The following CSF2RB variants were observed in gnomAD, a reference collection of about 807,000 sequenced individuals.
The protein encoded by CSF2RB is cytokine receptor common subunit beta.
In CSF2RB, 22 loss-of-function variants were observed where a neutral mutation model predicts 67.2. The ratio of observed to expected loss-of-function variants is 0.33; its 90% confidence interval spans 0.23 to 0.47. The LOEUF is 0.47. CSF2RB is among the 20% of genes least tolerant of loss of function. The probability of loss-of-function intolerance (pLI) is 1.00; values close to 1 mark genes in which losing one functional copy is unlikely to be tolerated. For missense variants in CSF2RB, 1,113 were observed against 1,174.5 expected (o/e 0.95, Z 0.76); for synonymous variants, 507 against 482.9 (o/e 1.05, Z -0.65).
chr22:36,914,622 C>T (rs1393307159), intron 1 of CSF2RB, among the ~76,000 whole-genome samples: 2 of 152,080 alleles, frequency 1.3e-5, no homozygotes, highest in Non-Finnish European at 2.9e-5. Context: ...TCACTGGGAC[C>T]TTGTCAGACA....
rs147184065 is a variant in CSF2RB at position 36,938,018 on chromosome 22, C to T, written c.2210C>T (p.Pro737Leu). The T allele has an allele frequency of 2.8e-5, 45 of 1,614,020 alleles. No individual in the cohort carries two copies. The highest frequency in any genetic ancestry group is 8.3e-5 in the Admixed American group (5 of 60,010). The stretch of plus-strand genomic sequence containing the variant: ...TCCCTAGTTCCCTCTCTGGGCCTCC[C>T]CTCAGACCAGACCCCCAGCTTATGT... The part of the protein sequence containing the change: ...SVSLVPSLGL[P>L]SDQTPSLCPG... Residue 737 changes from proline (P) to leucine (L), a missense_variant, in exon 14 of 14, where the codon CCC becomes CTC. Around this residue, in one of 2 missense-constraint regions of CSF2RB, gnomAD observed 554 missense variants for 517.9 expected, o/e 1.07. Transcript: ENST00000403662.
intron 1 of CSF2RB, among the ~76,000 whole-genome samples, chr22:36,920,640 G>A (rs1940837616): frequency 6.6e-6 from 1 of 152,224 alleles, no homozygotes; most frequent in South Asian, 2.1e-4. Context: ...TCCTTTTATG[G>A]TTCAGTCAGT....
In CSF2RB at chr22:36,933,859, G is replaced by A. The variant is rs760375262; in HGVS notation, c.1180G>A (p.Ala394Thr). ...CAGCAAGACCGAGACCCTCCAGAAC[G>A]CCCACAGCATGGCCCTGCCAGCCCT... is the stretch of plus-strand genomic sequence containing the variant. ...KDSKTETLQN[A>T]HSMALPALEP... The change falls in exon 10 of 14, where the codon GCC becomes ACC. Residue 394 changes from alanine to threonine, a missense_variant. Physicochemically the swap from Ala to Thr is moderately conservative, Grantham distance 58 (BLOSUM62 0). Around this residue, in one of 2 missense-constraint regions of CSF2RB, gnomAD observed 559 missense variants for 656.5 expected, o/e 0.85. Transcript: ENST00000403662. 29 of 1,609,720 alleles carry A rather than the reference G, an allele frequency of 1.8e-5. No homozygotes were observed. Among genetic ancestry groups the A allele is most frequent in the Middle Eastern group, 3.3e-4 (2 of 6,076 alleles).
intron 8 of CSF2RB, among the ~76,000 whole-genome samples, chr22:36,932,458 C>T (rs1446514819): frequency 6.8e-6 from 1 of 147,384 alleles, no homozygotes; most frequent in East Asian, 2.0e-4. Flanking sequence ...AAAAAAATAG[C>T]CAGTTGCCTA....
At chr22:36,934,751 G>A (rs1392197905) in intron 10 of CSF2RB, among the ~76,000 whole-genome samples, 1 of 152,206 alleles carries the variant, frequency 6.6e-6, no homozygotes, top group Non-Finnish European at 1.5e-5. Flanking sequence ...AAGGATACAG[G>A]AGATATTGGG....
At chr22:36,921,971 C>T (rs1454207720) in intron 1 of CSF2RB, 65 bp from the exon 2 acceptor site, 5 of 591,918 alleles carry the variant, frequency 8.4e-6, no homozygotes, top group East Asian at 2.8e-5. Context: ...CCCCACAACA[C>T]GGGCGGTGTC....
intron 1 of CSF2RB, among the ~76,000 whole-genome samples, chr22:36,916,723 G>A (rs1601574056): frequency 2.0e-5 from 3 of 152,138 alleles, no homozygotes; most frequent in East Asian, 3.9e-4. Flanking sequence ...GCCGGGTTTG[G>A]TGGTGTGCAC....
Position 36,932,788 on chromosome 22 carries a change from A to G in CSF2RB, c.1036A>G (p.Asn346Asp). ...VNIQMAPPSL[N>D]VTKDGDSYSL... ...AGTCCAGATGGCCCCTCCATCCCTC[A>G]ACGTGACCAAGGATGGAGACAGCTA... Residue 346 changes from asparagine (N) to aspartate (D), a missense_variant, in exon 9 of 14, where the codon AAC (asparagine) becomes GAC (aspartate). Transcript: ENST00000403662. 2 of 1,613,956 alleles carry G rather than the reference A, an allele frequency of 1.2e-6. No individual in the cohort carries two copies. Among genetic ancestry groups the G allele is most frequent in the East Asian group, 2.2e-5 (1 of 44,882 alleles).
At chr22:36,926,628 T>G (rs1266506487) in intron 4 of CSF2RB, among the ~76,000 whole-genome samples, 1 of 152,188 alleles carries the variant, frequency 6.6e-6, no homozygotes, top group East Asian at 1.9e-4. Flanking sequence ...GGGGGCTTCC[T>G]GCATGGTAGA....
At position 36,936,495 on chromosome 22, in the gene CSF2RB, C is replaced by G. The variant is rs1430849433; in HGVS notation, c.1465-54C>G. 9 of 1,504,582 alleles carry G rather than the reference C, an allele frequency of 6.0e-6. No homozygotes were observed. In the East Asian group the frequency reaches 2.0e-4, roughly 34 times the overall value. 93.2% of individuals were successfully genotyped at this position (1,504,582 alleles called of 1,614,324 possible). A position where few individuals can be genotyped will look rare whatever the true frequency, so the allele number is the denominator to read the frequency against. ...TGCACCCCCGTCACCCTCTGCCTTG[C>G]CCCCACCTCGGACCTCCTGATGCTC... On this transcript the variant is annotated intron_variant, in intron 12 of 13. Transcript: ENST00000403662.
chr22:36,927,548 C>A (rs6000492), intron 4 of CSF2RB, among the ~76,000 whole-genome samples: 6,566 of 152,184 alleles, frequency 0.043, 502 homozygotes, highest in African/African-American at 0.15. Context: ...AGCTGGGGAA[C>A]CTGCTCACCA....
chr22:36,917,732 G>A (rs1238534323), intron 1 of CSF2RB, among the ~76,000 whole-genome samples: 1 of 152,112 alleles, frequency 6.6e-6, no homozygotes, highest in Non-Finnish European at 1.5e-5. Flanking sequence ...AGACCAACCT[G>A]GCCAACATGG....
intron 8 of CSF2RB, 111 bp from the exon 9 acceptor site, chr22:36,932,654 A>G: frequency 7.7e-7 from 1 of 1,294,588 alleles, no homozygotes. Flanking sequence ...CATGGGCAGA[A>G]CCTGGGGTCT....
At position 36,939,274 on chromosome 22, in the gene CSF2RB, G is replaced by A. The variant is rs1941339839; in HGVS notation, c.*772G>A. On this transcript the variant is annotated 3_prime_UTR_variant, in exon 14 of 14. Coordinates refer to ENST00000403662, the MANE Select transcript of CSF2RB (RefSeq NM_000395.3). The stretch of plus-strand genomic sequence containing the variant: ...AGAGAAGTTAACGGCCCAAGTGGTG[G>A]GCAGGCTGGCGGGACCTGGGGAACA... 1 of 702,108 alleles carries A rather than the reference G, an allele frequency of 1.4e-6. No homozygotes were observed. The highest frequency in any genetic ancestry group is 2.6e-6 in the Non-Finnish European group (1 of 384,816). 43.5% of individuals were successfully genotyped at this position (702,108 alleles called of 1,614,324 possible).
In CSF2RB at chr22:36,938,164, C is replaced by T. The variant is rs373244465; in HGVS notation, c.2356C>T (p.Pro786Ser). 2 of 1,614,128 alleles carry T rather than the reference C, an allele frequency of 1.2e-6. No individual in the cohort carries two copies. The highest frequency in any genetic ancestry group is 1.7e-6 in the Non-Finnish European group (2 of 1,179,998). Residue 786 changes from proline (P) to serine (S), a missense_variant, in exon 14 of 14, where the codon CCC (proline) becomes TCC (serine). By Grantham distance (74) the Pro-to-Ser change is moderately conservative. Transcript: ENST00000403662. ...SPRSPRNNPV[P>S]PEAKSPVLNP... ...CAGGTCACCAAGGAACAATCCTGTC[C>T]CCCCTGAGGCCAAAAGCCCTGTCCT...
At chr22:36,930,551 C>G (rs1257857958) in intron 7 of CSF2RB, 41 bp downstream of exon 7, 1 of 1,612,130 alleles carries the variant, frequency 6.2e-7, no homozygotes, top group Admixed American at 1.7e-5. Context: ...TCCTCTTGGC[C>G]TTGCTCTCTC....
chr22:36,923,838 A>G (rs1200350140), intron 3 of CSF2RB: 1 of 1,247,432 alleles, frequency 8.0e-7, no homozygotes. Flanking sequence ...AGCCCTGGCC[A>G]CGGGGTAGAC....
Position 36,929,553 on chromosome 22 carries a change from T to C in CSF2RB, c.543T>C (p.Ser181=). The change falls in exon 5 of 14, where the codon TCT becomes TCC. Residue 181 remains serine (S), a synonymous_variant. Coordinates refer to ENST00000403662, the MANE Select transcript of CSF2RB (RefSeq NM_000395.3). The part of the protein sequence containing the change: ...FEVVYKRLQD[S]WEDAAILLSN... Reference sequence around the variant, plus strand: ...TGGTCTACAAGCGGCTTCAGGACTCTTGGGAGGTAGGAACCACGGCCAGCT... The same window carrying C: ...TGGTCTACAAGCGGCTTCAGGACTCCTGGGAGGTAGGAACCACGGCCAGCT... The C allele has an allele frequency of 6.2e-7, 1 of 1,614,116 alleles. No homozygotes were observed. Among genetic ancestry groups the C allele is most frequent in the Non-Finnish European group, 8.5e-7 (1 of 1,180,008 alleles).
intron 9 of CSF2RB, among the ~76,000 whole-genome samples, chr22:36,933,473 C>T (rs1941200833): frequency 6.6e-6 from 1 of 152,158 alleles, no homozygotes; most frequent in African/African-American, 2.4e-5. Flanking sequence ...TCTCAGGGTC[C>T]AGAGTCCAGT....
Sources: allele counts gnomAD v4.1 joint callset (sites outside exome capture counted in the v4.1 genomes callset), GRCh38; gene constraint gnomAD v4.1.1; regional missense constraint gnomAD v4.1.1; transcripts MANE v1.5; gene names NCBI Gene and HGNC (gene_info 2026-07-23, HGNC 2026-07-21).